The following GLYATL1 variants were observed in gnomAD, a reference collection of about 807,000 sequenced individuals.
The protein encoded by GLYATL1 is glycine N-acyltransferase-like protein 1.
A neutral mutation model predicts 20.0 loss-of-function variants in GLYATL1; 15 were observed. That is an observed-to-expected ratio of 0.75 (90% CI 0.50 to 1.15). The LOEUF (loss-of-function observed/expected upper bound fraction) is 1.15, where lower values mean the gene tolerates loss of function less well. Among genes scored for constraint, GLYATL1 ranks in the 50% most tolerant of loss-of-function variants. The pLI is 0.00. For synonymous variants in GLYATL1, 151 were observed against 131.5 expected (o/e 1.15, Z -1.01); for missense variants, 380 against 368.5 (o/e 1.03, Z -0.26).
At chr11:58,954,729 A>T in intron 4 of GLYATL1, 41 bp from the exon 5 acceptor site, 1 of 1,524,080 alleles carries the variant, frequency 6.6e-7, no homozygotes, top group Non-Finnish European at 8.8e-7. Flanking sequence ...GGTGAAGAAA[A>T]AGTTCAAGGG....
intron 1 of GLYATL1, among the ~76,000 whole-genome samples, chr11:58,919,039 C>T (rs1487038487): frequency 1.3e-5 from 2 of 152,132 alleles, no homozygotes; most frequent in Non-Finnish European, 2.9e-5. Context: ...GGGGCCCATC[C>T]CATATGGGTC....
intron 2 of GLYATL1, among the ~76,000 whole-genome samples, chr11:58,944,086 C>T (rs1856388351): frequency 6.6e-6 from 1 of 152,006 alleles, no homozygotes; most frequent in Non-Finnish European, 1.5e-5. Context: ...TGAGTTCCTT[C>T]TGGCTTATAC....
At position 58,939,537 on chromosome 11, in the gene GLYATL1, C is replaced by A. The variant is rs1237004362; in HGVS notation, c.-280C>A. 1 of 152,136 alleles carries A rather than the reference C, an allele frequency of 6.6e-6. No individual in the cohort carries two copies. The highest frequency in any genetic ancestry group is 1.5e-5 in the Non-Finnish European group (1 of 68,028). The allele number at this position is 152,136 out of a possible 1,614,324, so 9.4% of individuals were successfully genotyped here. A position where few individuals can be genotyped will look rare whatever the true frequency, so the allele number is the denominator to read the frequency against. ...ACAGAACTACTAAGCAGCTGCTTAC[C>A]CAATTTTGGCTGGAGAGATAAGTAC... On this transcript the variant is annotated 5_prime_UTR_variant, in exon 1 of 7. Transcript: ENST00000532726.
intron 2 of GLYATL1, among the ~76,000 whole-genome samples, chr11:58,946,557 C>T (rs1043397826): frequency 2.0e-5 from 3 of 152,090 alleles, no homozygotes; most frequent in African/African-American, 7.2e-5. Flanking sequence ...GGATAAGTTC[C>T]AAAATGGCCG....
chr11:58,910,422 T>G (rs2134646585), downstream of GLYATL1, among the ~76,000 whole-genome samples: 1 of 152,316 alleles, frequency 6.6e-6, no homozygotes, highest in South Asian at 2.1e-4. Flanking sequence ...TAAATTAAAC[T>G]TAACTAAAAT....
upstream of GLYATL1, among the ~76,000 whole-genome samples, chr11:58,937,919 C>T (rs1590786948): frequency 6.6e-6 from 1 of 152,210 alleles, no homozygotes; most frequent in East Asian, 1.9e-4. Context: ...CTCCCACAGA[C>T]ACTCAGCCAT....
chr11:58,954,985 G>A, intron 5 of GLYATL1, 89 bp downstream of exon 5: 1 of 1,397,548 alleles, frequency 7.2e-7, no homozygotes, highest in South Asian at 1.4e-5. Flanking sequence ...GGGCTCATTA[G>A]AAATGTAAAT....
chr11:58,946,567 G>A (rs1358971666), intron 2 of GLYATL1, among the ~76,000 whole-genome samples: 7 of 152,150 alleles, frequency 4.6e-5, no homozygotes, highest in African/African-American at 7.2e-5. Context: ...CAAAATGGCC[G>A]TAGGTTTGAA....
intron 1 of GLYATL1, chr11:58,934,129 C>G (rs1855723026): frequency 6.5e-6 from 1 of 153,078 alleles, no homozygotes; most frequent in Non-Finnish European, 1.5e-5. Flanking sequence ...CTGGGATAAG[C>G]CTGGCATCTG....
chr11:58,936,057 A>G (rs753869015), upstream of GLYATL1, among the ~76,000 whole-genome samples: 1 of 152,216 alleles, frequency 6.6e-6, no homozygotes, highest in Admixed American at 6.5e-5. Context: ...TTTTCTGATG[A>G]TAAGTATAAT....
chr11:58,918,160 G>C (rs1365043310), intron 1 of GLYATL1, among the ~76,000 whole-genome samples: 2 of 152,170 alleles, frequency 1.3e-5, no homozygotes, highest in African/African-American at 4.8e-5. Context: ...ATGGTTGATT[G>C]GATGCTCCTG....
upstream of GLYATL1, among the ~76,000 whole-genome samples, chr11:58,924,094 C>T (rs779041146): frequency 6.6e-6 from 1 of 152,116 alleles, no homozygotes; most frequent in Admixed American, 6.5e-5. Context: ...AGTGTCCGAC[C>T]GCCTGCACAC....
chr11:58,937,538 T>A (rs771355539), upstream of GLYATL1, among the ~76,000 whole-genome samples: 2 of 152,206 alleles, frequency 1.3e-5, no homozygotes, highest in Non-Finnish European at 2.9e-5. Context: ...TGTACAAGCA[T>A]CTAGTCACTG....
intron 1 of GLYATL1, among the ~76,000 whole-genome samples, chr11:58,921,645 C>G (rs1325539115): frequency 6.6e-6 from 1 of 152,200 alleles, no homozygotes; most frequent in Non-Finnish European, 1.5e-5. Flanking sequence ...CCAGACCAGC[C>G]TCTTCCATGA....
upstream of GLYATL1, among the ~76,000 whole-genome samples, chr11:58,939,228 T>C (rs936439544): frequency 1.3e-5 from 2 of 152,186 alleles, no homozygotes; most frequent in Admixed American, 1.3e-4. Flanking sequence ...TTATGATTGC[T>C]TCCTTAGGTC....
chr11:58,912,514 C>CA (rs941710347), downstream of GLYATL1, among the ~76,000 whole-genome samples: 1 of 152,186 alleles, frequency 6.6e-6, no homozygotes, highest in African/African-American at 2.4e-5. Context: ...CCTCCCCAGA[C>CA]AAAAGCTCTG....
chr11:58,947,274 G>C, intron 3 of GLYATL1, 109 bp downstream of exon 3: 2 of 1,431,284 alleles, frequency 1.4e-6, no homozygotes, highest in South Asian at 2.8e-5. Context: ...GGTTGGAGCT[G>C]GGAAACAGGA....
At position 58,943,666 on chromosome 11, in the gene GLYATL1, G is replaced by C; in HGVS notation, c.-43G>C. 1.2e-6 allele frequency: 2 copies of C among 1,612,426 alleles called. No individual in the cohort carries two copies. Among genetic ancestry groups the C allele is most frequent in the Non-Finnish European group, 1.7e-6 (2 of 1,179,208 alleles). ...TCTCTCAGAGTGGCTGAGGATAATA[G>C]GTAAGCTCCCTCTCGCATTTTGGAG... is the stretch of plus-strand genomic sequence containing the variant. On this transcript the variant is annotated splice_region_variant and 5_prime_UTR_variant, in exon 2 of 7. Coordinates refer to ENST00000532726, the MANE Select transcript of GLYATL1 (RefSeq NM_001389712.2).
At chr11:58,940,684 G>T (rs1208925476) in intron 1 of GLYATL1, among the ~76,000 whole-genome samples, 1 of 152,136 alleles carries the variant, frequency 6.6e-6, no homozygotes, top group Admixed American at 6.5e-5. Context: ...TCTGGGTTTT[G>T]TATTTGTTTC....
Sources: gnomAD v4.1 joint callset for allele counts (sites outside exome capture counted in the v4.1 genomes callset) on GRCh38, gnomAD v4.1.1 for gene constraint, MANE v1.5 for transcripts, NCBI Gene and HGNC (gene_info 2026-07-23, HGNC 2026-07-21) for gene names.